GSAP: variants seen among roughly 807,000 people sequenced by gnomAD.
GSAP encodes gamma-secretase-activating protein.
Under a neutral mutation model 131.7 loss-of-function variants are expected in GSAP, and 118 were observed. The ratio of observed to expected loss-of-function variants is 0.90; its 90% CI spans 0.77 to 1.04. The LOEUF (loss-of-function observed/expected upper bound fraction) is 1.04, where lower values mean the gene tolerates loss of function less well. Among genes scored for constraint, GSAP ranks in the 50% least tolerant of loss-of-function variants. The pLI is 0.00. For missense variants in GSAP, 1,019 were observed against 1,013.2 expected (o/e 1.01, Z -0.08); for synonymous variants, 381 against 363.4 (o/e 1.05, Z -0.55).
intron 19 of GSAP, among the ~76,000 whole-genome samples, chr7:77,334,433 G>A (rs1789634376): frequency 1.3e-5 from 2 of 151,806 alleles, no homozygotes; most frequent in Admixed American, 1.3e-4. Flanking sequence ...GGGGGTTGGG[G>A]GAAGGAGAGC....
intron 19 of GSAP, among the ~76,000 whole-genome samples, chr7:77,345,623 G>A (rs1467161443): frequency 2.0e-5 from 3 of 152,072 alleles, no homozygotes; most frequent in African/African-American, 7.2e-5. Flanking sequence ...TTAACTGAGC[G>A]ATTAACCTTG....
At chr7:77,339,166 G>C (rs1562935518) in intron 19 of GSAP, among the ~76,000 whole-genome samples, 1 of 152,160 alleles carries the variant, frequency 6.6e-6, no homozygotes, top group Non-Finnish European at 1.5e-5. Flanking sequence ...CTGAGGGTGG[G>C]ACATGCTCAT....
chr7:77,346,118 A>G (rs1791782307), intron 19 of GSAP, among the ~76,000 whole-genome samples: 1 of 151,746 alleles, frequency 6.6e-6, no homozygotes, highest in Non-Finnish European at 1.5e-5. Flanking sequence ...AAAAATACAA[A>G]AATTATCCGG....
chr7:77,352,920 A>G (rs1170050572), intron 18 of GSAP, 24 bp downstream of exon 18: 1 of 1,328,918 alleles, frequency 7.5e-7, no homozygotes, highest in Admixed American at 1.7e-5. Flanking sequence ...TTATTTGCAT[A>G]CAGCATACAC....
At chr7:77,394,174 T>C (rs1800006964) in intron 5 of GSAP, among the ~76,000 whole-genome samples, 1 of 152,194 alleles carries the variant, frequency 6.6e-6, no homozygotes, top group South Asian at 2.1e-4. Flanking sequence ...GCGTATCTCT[T>C]CCAATTTTAC....
intron 29 of GSAP, 54 bp downstream of exon 29, chr7:77,312,047 G>A (rs1467317973): frequency 1.3e-5 from 17 of 1,260,180 alleles, no homozygotes; most frequent in Admixed American, 1.1e-4. Context: ...ATGTTGTCAC[G>A]GGCAAACAGG....
At chr7:77,402,188 T>C (rs1801423465) in intron 3 of GSAP, among the ~76,000 whole-genome samples, 1 of 151,860 alleles carries the variant, frequency 6.6e-6, no homozygotes, top group African/African-American at 2.4e-5. Flanking sequence ...AGAAAGATTT[T>C]TTTTTTCTCT....
At chr7:77,387,477 G>A (rs763750023) in intron 5 of GSAP, 29 bp from the exon 6 acceptor site, 20 of 1,199,582 alleles carry the variant, frequency 1.7e-5, no homozygotes, top group African/African-American at 6.0e-5. Flanking sequence ...TTTTAGTAAC[G>A]AAGATTGTAA....
intron 19 of GSAP, among the ~76,000 whole-genome samples, chr7:77,334,850 C>T (rs188048683): frequency 2.2e-4 from 33 of 151,920 alleles, no homozygotes; most frequent in Non-Finnish European, 4.1e-4. Flanking sequence ...TTTGGGAGAC[C>T]GAGGCGGGTG....
chr7:77,346,773 T>C (rs1284142490), intron 19 of GSAP, among the ~76,000 whole-genome samples: 2 of 152,070 alleles, frequency 1.3e-5, no homozygotes, highest in African/African-American at 2.4e-5. Context: ...TTAATTTTCA[T>C]CCACCCACTC....
chr7:77,314,795 G>A (rs1794792800), intron 26 of GSAP: 1 of 228,520 alleles, frequency 4.4e-6, no homozygotes, highest in Non-Finnish European at 8.8e-6. Context: ...TCTACAGTAA[G>A]ATAGCAAAAG....
Position 77,378,526 on chromosome 7 carries a change from A to C in GSAP, c.577-1136T>G, listed in dbSNP as rs529691331. 6.3e-4 allele frequency among the ~76,000 whole-genome samples: 95 copies of C among 150,506 alleles called. 1 individual carries two copies. The highest frequency in any genetic ancestry group is 5.8e-3 in the South Asian group (28 of 4,796). On this transcript the variant is annotated intron_variant, in intron 8 of 30. Transcript: ENST00000257626. ...AAAACAAAACAAAAAACAACAAAAA[A>C]AAACAAAGGCAGAAAATGAAATAAG...
At chr7:77,403,157 C>T (rs1057203537) in intron 3 of GSAP, among the ~76,000 whole-genome samples, 1 of 152,210 alleles carries the variant, frequency 6.6e-6, no homozygotes, top group Non-Finnish European at 1.5e-5. Flanking sequence ...TTTTAGAATA[C>T]ATGCCACACA....
At chr7:77,388,275 T>A (rs1212525744) in intron 5 of GSAP, among the ~76,000 whole-genome samples, 1 of 152,240 alleles carries the variant, frequency 6.6e-6, no homozygotes, top group Non-Finnish European at 1.5e-5. Context: ...CACAGTGCGA[T>A]TCTCTGTCAC....
At chr7:77,376,319 G>A (rs1796847592) in intron 10 of GSAP, among the ~76,000 whole-genome samples, 1 of 152,184 alleles carries the variant, frequency 6.6e-6, no homozygotes, top group Admixed American at 6.5e-5. Flanking sequence ...TTAGTTACTG[G>A]ACATTTCTGG....
At chr7:77,345,029 A>T (rs1791584738) in intron 19 of GSAP, among the ~76,000 whole-genome samples, 2 of 152,222 alleles carry the variant, frequency 1.3e-5, no homozygotes, top group African/African-American at 4.8e-5. Context: ...ACAACATAAA[A>T]ATCTAAAGGA....
intron 19 of GSAP, among the ~76,000 whole-genome samples, chr7:77,337,020 T>C (rs1363854418): frequency 6.6e-6 from 1 of 152,218 alleles, no homozygotes; most frequent in Non-Finnish European, 1.5e-5. Flanking sequence ...TAAACTATTA[T>C]ACTGTAATTA....
At chr7:77,395,578 T>G (rs1478061799) in intron 5 of GSAP, among the ~76,000 whole-genome samples, 1 of 152,036 alleles carries the variant, frequency 6.6e-6, no homozygotes, top group Admixed American at 6.6e-5. Context: ...GTTCTCAGTA[T>G]ATCATGGCAG....
At chr7:77,344,852 T>C (rs1791551747) in intron 19 of GSAP, among the ~76,000 whole-genome samples, 2 of 152,240 alleles carry the variant, frequency 1.3e-5, no homozygotes, top group South Asian at 2.1e-4. Flanking sequence ...TAGCCATTTC[T>C]AATCCTTCTT....
Sources: gnomAD v4.1 joint callset for allele counts (sites outside exome capture counted in the v4.1 genomes callset) on GRCh38, gnomAD v4.1.1 for gene constraint, MANE v1.5 for transcripts, NCBI Gene and HGNC (gene_info 2026-07-23, HGNC 2026-07-21) for gene names.